CELF2: variants seen among roughly 807,000 people sequenced by gnomAD.
CELF2 encodes the protein CUGBP Elav-like family member 2, also known as CUG triplet repeat RNA-binding protein 2.
Under a neutral mutation model 62.6 loss-of-function variants are expected in CELF2, and 8 were observed. The observed-to-expected ratio is 0.13, with a 90% CI of 0.07 to 0.23. CELF2 has a LOEUF of 0.23. Among genes scored for constraint, CELF2 ranks in the 10% least tolerant of loss-of-function variants. The pLI, the probability that CELF2 is intolerant of heterozygous loss-of-function variation, is 1.00. For missense variants in CELF2, 333 were observed against 671.0 expected, an observed-to-expected ratio of 0.50 and a Z score of 5.56; for synonymous variants, 258 against 250.0, an observed-to-expected ratio of 1.03 and a Z score of -0.30.
rs962440821 is a variant in CELF2 at position 11,246,653 on chromosome 10, G to A, written c.355-2500G>A. Among the ~76,000 whole-genome samples, 2 of 152,132 alleles carry A rather than the reference G, an allele frequency of 1.3e-5. No homozygotes were observed. Among genetic ancestry groups the A allele is most frequent in the African/African-American group, 4.8e-5 (2 of 41,406 alleles). On this transcript the variant is annotated intron_variant, in intron 3 of 12. Coordinates refer to ENST00000633077, the MANE Select transcript of CELF2 (RefSeq NM_001326342.2). This position sits in a 1 kb window ranked among gnomAD's most constrained non-coding sequence, Gnocchi z 4.6. ...TCCTCTCCTCTCATGGCTCCCATGG[G>A]ACCAGTTGCTCCTGCAGCTCCTCCT...
At position 11,244,516 on chromosome 10, in the gene CELF2, G is replaced by C. The variant is rs1007533649; in HGVS notation, c.355-4637G>C. On this transcript the variant is annotated intron_variant, in intron 3 of 12. Coordinates refer to ENST00000633077, the MANE Select transcript of CELF2 (RefSeq NM_001326342.2). The surrounding 1 kb of genome is among the most constrained non-coding windows in gnomAD (Gnocchi z 4.2). ...AAAATACAAAGAAAATTAGTTGGGCGTGGTGGCGGGCGCCTGTAGTCCCAG... is the reference window on the plus strand; with the variant it reads ...AAAATACAAAGAAAATTAGTTGGGCCTGGTGGCGGGCGCCTGTAGTCCCAG... Among the ~76,000 whole-genome samples the C allele has an allele frequency of 1.2e-4, 18 of 152,062 alleles. No homozygotes were observed. Among genetic ancestry groups the C allele is most frequent in the African/African-American group, 2.4e-4 (10 of 41,412 alleles).
chr10:10,753,739 G>T, the CELF2 span, among the ~76,000 whole-genome samples: 1 of 152,112 alleles, frequency 6.6e-6, no homozygotes, highest in African/African-American at 2.4e-5. Context: ...TTAGGGACTT[G>T]GTCACATGCA....
At chr10:11,063,379 C>T (rs1415738864) in intron 1 of CELF2, among the ~76,000 whole-genome samples, 3 of 152,192 alleles carry the variant, frequency 2.0e-5, no homozygotes. Flanking sequence ...ACCAAACATT[C>T]ATGACTTATC....
chr10:10,810,567 A>G (rs1590653111), intron 1 of CELF2, among the ~76,000 whole-genome samples: 1 of 152,168 alleles, frequency 6.6e-6, no homozygotes, highest in African/African-American at 2.4e-5. Flanking sequence ...GGAAGGGTCC[A>G]GCAGAGGGAA....
chr10:10,523,907 C>T, the CELF2 span, among the ~76,000 whole-genome samples: 1 of 152,172 alleles, frequency 6.6e-6, no homozygotes, highest in African/African-American at 2.4e-5. Flanking sequence ...ACGAGAGCAT[C>T]TTAAGCCTGT....
At chr10:10,967,346 TG>T (rs1413076605) in intron 2 of CELF2, among the ~76,000 whole-genome samples, 1 of 152,238 alleles carries the variant, frequency 6.6e-6, no homozygotes, top group East Asian at 1.9e-4. Flanking sequence ...ACTTTTAGGC[TG>T]AACTTAAAAT....
chr10:10,520,956 A>T, the CELF2 span, among the ~76,000 whole-genome samples: 8 of 152,210 alleles, frequency 5.3e-5, no homozygotes, highest in Admixed American at 3.3e-4. Flanking sequence ...GATGGTTTCA[A>T]ATCAGGTCCT....
At chr10:10,885,680 C>A (rs140743262) in intron 1 of CELF2, among the ~76,000 whole-genome samples, 1 of 152,066 alleles carries the variant, frequency 6.6e-6, no homozygotes, top group African/African-American at 2.4e-5. Context: ...CAATGTAAAT[C>A]TATTATCTTA....
At chr10:10,535,627 G>A in the CELF2 span, among the ~76,000 whole-genome samples, 425 of 152,262 alleles carry the variant, frequency 2.8e-3, 3 homozygotes, top group African/African-American at 8.9e-3. Context: ...GGCTGAGGCC[G>A]AGAATCGCTT....
At chr10:10,519,409 T>G in the CELF2 span, among the ~76,000 whole-genome samples, 2 of 152,112 alleles carry the variant, frequency 1.3e-5, no homozygotes, top group Admixed American at 6.6e-5. Context: ...CTTTTGACAG[T>G]TTTTGTGATG....
At chr10:10,484,124 C>T in the CELF2 span, among the ~76,000 whole-genome samples, 1 of 17,994 alleles carries the variant, frequency 5.6e-5, no homozygotes, top group Non-Finnish European at 1.1e-4. Flanking sequence ...TCTCCCTCCC[C>T]CCTCCTCTCT....
chr10:11,131,458 T>C (rs2059612964), intron 1 of CELF2, among the ~76,000 whole-genome samples: 1 of 152,232 alleles, frequency 6.6e-6, no homozygotes, highest in Non-Finnish European at 1.5e-5. Flanking sequence ...ATCCTGGACT[T>C]GATAAACCTG....
chr10:11,211,813 AGTGTGT>A lies in CELF2; in HGVS notation c.272-5575_272-5570del, dbSNP rs869213973. Reference sequence around the variant, plus strand: ...GTGTGAGAGAGAGAGAGAGAGAGAGAGTGTGTGTGTGTGTGTGTGTGTGTGTGTGTG... The same window carrying A: ...GTGTGAGAGAGAGAGAGAGAGAGAGAGTGTGTGTGTGTGTGTGTGTGTGTG... On this transcript the variant is annotated intron_variant, in intron 2 of 12. Coordinates refer to ENST00000633077, the MANE Select transcript of CELF2 (RefSeq NM_001326342.2). This position sits in a 1 kb window ranked among gnomAD's most constrained non-coding sequence, Gnocchi z 4.8. Among the ~76,000 whole-genome samples the A allele has an allele frequency of 0.095, 8,406 of 88,812 alleles. 282 individuals are homozygous for A. The highest frequency in any genetic ancestry group is 0.13 in the Middle Eastern group (21 of 160). 58.3% of individuals were successfully genotyped at this position (88,812 alleles called of 152,430 possible).
intron 2 of CELF2, among the ~76,000 whole-genome samples, chr10:10,978,563 T>A (rs1410463074): frequency 6.6e-6 from 1 of 152,230 alleles, no homozygotes. Context: ...TGTTAATCAG[T>A]GTCCAGAATA....
the CELF2 span, among the ~76,000 whole-genome samples, chr10:10,700,827 C>A: frequency 1.3e-5 from 2 of 152,196 alleles, no homozygotes; most frequent in East Asian, 1.9e-4. Flanking sequence ...AAAGCTAATA[C>A]AATTGATATG....
At chr10:10,761,670 A>G in the CELF2 span, among the ~76,000 whole-genome samples, 2 of 152,152 alleles carry the variant, frequency 1.3e-5, no homozygotes, top group Admixed American at 6.5e-5. Flanking sequence ...TGCCTGACCA[A>G]TTGGGCTGGG....
At chr10:10,634,436 C>T in the CELF2 span, among the ~76,000 whole-genome samples, 1 of 152,036 alleles carries the variant, frequency 6.6e-6, no homozygotes, top group African/African-American at 2.4e-5. Context: ...AGTAGTGTTT[C>T]AGCTGATTCT....
intron 1 of CELF2, among the ~76,000 whole-genome samples, chr10:10,871,113 C>T (rs569629352): frequency 3.3e-5 from 5 of 152,122 alleles, no homozygotes; most frequent in Non-Finnish European, 7.4e-5. Context: ...TATGTAGAGC[C>T]GGTTCGCAGT....
At chr10:10,994,081 C>T (rs1024812860) in intron 2 of CELF2, among the ~76,000 whole-genome samples, 3 of 152,188 alleles carry the variant, frequency 2.0e-5, no homozygotes, top group African/African-American at 7.2e-5. Context: ...GCTGCCCTAG[C>T]TGACTAACAC....
Sources: gnomAD v4.1 joint callset for allele counts (sites outside exome capture counted in the v4.1 genomes callset) on GRCh38, gnomAD v4.1.1 for gene constraint, Gnocchi (gnomAD v3.1) non-coding constraint, MANE v1.5 for transcripts, NCBI Gene and HGNC (gene_info 2026-07-23, HGNC 2026-07-21) for gene names.